DCDC2: variants seen among roughly 807,000 people sequenced by gnomAD.
The protein encoded by DCDC2 is doublecortin domain-containing protein 2.
Under a neutral mutation model 50.2 loss-of-function variants are expected in DCDC2, and 40 were observed. That is an observed-to-expected ratio of 0.80 (90% CI 0.62 to 1.04). DCDC2 has a LOEUF of 1.04. Among genes scored for constraint, DCDC2 ranks in the 50% least tolerant of loss-of-function variants. The pLI, the probability that DCDC2 is intolerant of heterozygous loss-of-function variation, is 0.00. For missense variants in DCDC2, 570 were observed against 581.9 expected (o/e 0.98, Z 0.21); for synonymous variants, 234 against 210.6 (o/e 1.11, Z -0.96).
chr6:24,358,918 A>AT (rs1308125591), upstream of DCDC2, among the ~76,000 whole-genome samples: 20 of 58,680 alleles, frequency 3.4e-4, no homozygotes, highest in South Asian at 1.4e-3. Flanking sequence ...TATATTATAT[A>AT]TATTATATAT....
intron 7 of DCDC2, among the ~76,000 whole-genome samples, chr6:24,266,277 G>A (rs573575613): frequency 6.6e-6 from 1 of 152,108 alleles, no homozygotes; most frequent in Non-Finnish European, 1.5e-5. Context: ...CAGGACATTG[G>A]TCTGGGCAAA....
chr6:24,357,379 G>T, intron 1 of DCDC2, 79 bp downstream of exon 1: 1 of 1,468,162 alleles, frequency 6.8e-7, no homozygotes, highest in Non-Finnish European at 9.1e-7. Flanking sequence ...GTGTGGGGGG[G>T]TAGGGATCTG....
chr6:24,235,234 G>C (rs1762418077), intron 7 of DCDC2, among the ~76,000 whole-genome samples: 1 of 152,184 alleles, frequency 6.6e-6, no homozygotes, highest in African/African-American at 2.4e-5. Context: ...TGTTTCAGCA[G>C]TCATCACAGT....
At chr6:24,299,607 C>T (rs924536771) in intron 4 of DCDC2, among the ~76,000 whole-genome samples, 1 of 152,132 alleles carries the variant, frequency 6.6e-6, no homozygotes, top group Non-Finnish European at 1.5e-5. Context: ...ATTTGGAATA[C>T]TTTGTGTTAA....
intron 2 of DCDC2, among the ~76,000 whole-genome samples, chr6:24,340,104 T>C (rs1438803433): frequency 8.5e-5 from 13 of 152,308 alleles, no homozygotes; most frequent in East Asian, 1.9e-4. Flanking sequence ...GAGATGAACA[T>C]GTAGATGAAT....
intron 7 of DCDC2, among the ~76,000 whole-genome samples, chr6:24,237,813 A>T (rs555877122): frequency 1.3e-5 from 2 of 152,148 alleles, no homozygotes; most frequent in South Asian, 4.2e-4. Context: ...GCAAACTAAT[A>T]CCAAAACAGA....
At chr6:24,298,160 C>T (rs1759293940) in intron 4 of DCDC2, among the ~76,000 whole-genome samples, 1 of 152,212 alleles carries the variant, frequency 6.6e-6, no homozygotes, top group Non-Finnish European at 1.5e-5. Flanking sequence ...CTAGATACCT[C>T]GCATGCACAG....
chr6:24,307,068 A>G (rs1481217981), intron 2 of DCDC2, among the ~76,000 whole-genome samples: 1 of 152,172 alleles, frequency 6.6e-6, no homozygotes, highest in Non-Finnish European at 1.5e-5. Context: ...TCACACTTCA[A>G]TTTCTAGACC....
chr6:24,238,845 CAAG>C (rs1187284317), intron 7 of DCDC2, among the ~76,000 whole-genome samples: 1 of 152,174 alleles, frequency 6.6e-6, no homozygotes, highest in African/African-American at 2.4e-5. Flanking sequence ...TAGGGCAACA[CAAG>C]AAGGGGCTGG....
the DCDC2 span, among the ~76,000 whole-genome samples, chr6:24,378,956 GAA>G: frequency 3.0e-5 from 2 of 67,428 alleles, no homozygotes; most frequent in Non-Finnish European, 5.6e-5. Flanking sequence ...GTCTCATTTG[GAA>G]AAAAAAAAAA....
chr6:24,301,026 T>C (rs1759359335), intron 4 of DCDC2, among the ~76,000 whole-genome samples: 1 of 146,862 alleles, frequency 6.8e-6, no homozygotes, highest in Non-Finnish European at 1.5e-5. Flanking sequence ...TAGTTTAAAC[T>C]ATCAAATAAT....
chr6:24,229,001 G>A (rs1762288274), intron 7 of DCDC2, among the ~76,000 whole-genome samples: 1 of 152,208 alleles, frequency 6.6e-6, no homozygotes, highest in South Asian at 2.1e-4. Flanking sequence ...AAGAATACCA[G>A]AAATCATAGC....
At chr6:24,244,318 A>G (rs1762626567) in intron 7 of DCDC2, among the ~76,000 whole-genome samples, 1 of 152,254 alleles carries the variant, frequency 6.6e-6, no homozygotes, top group African/African-American at 2.4e-5. Context: ...AGCCTAATCA[A>G]AAGATTTTTC....
At chr6:24,359,424 T>C (rs1205911935), upstream of DCDC2, among the ~76,000 whole-genome samples, 1 of 74,786 alleles carries the variant, frequency 1.3e-5, no homozygotes. Context: ...ATATATTATA[T>C]ATATTTATAT....
chr6:24,282,111 C>T (rs539718042), intron 6 of DCDC2, among the ~76,000 whole-genome samples: 1 of 152,282 alleles, frequency 6.6e-6, no homozygotes, highest in African/African-American at 2.4e-5. Context: ...CCTTGAGATA[C>T]TCCAACCACT....
chr6:24,273,135 A>G (rs571257509), intron 7 of DCDC2, among the ~76,000 whole-genome samples: 1 of 152,296 alleles, frequency 6.6e-6, no homozygotes, highest in South Asian at 2.1e-4. Context: ...TTTTGCAGCA[A>G]TGTGGATGGG....
chr6:24,355,681 C>CT (rs1278303837), intron 1 of DCDC2, among the ~76,000 whole-genome samples: 1 of 152,062 alleles, frequency 6.6e-6, no homozygotes, highest in African/African-American at 2.4e-5. Flanking sequence ...TCATTTAGCC[C>CT]TTTTTTACGA....
chr6:24,206,801 G>A (rs1167462289), intron 7 of DCDC2, among the ~76,000 whole-genome samples: 1 of 152,184 alleles, frequency 6.6e-6, no homozygotes, highest in Non-Finnish European at 1.5e-5. Context: ...ACAGCAAAGA[G>A]ACAAATCAGC....
In DCDC2 at chr6:24,301,721, A is replaced by G; in HGVS notation, c.551T>C (p.Val184Ala). ...TEKITLRSGA[V>A]HRLYTLEGKL... The stretch of plus-strand genomic sequence containing the variant: ...CAAGATTGTTTTGACATACCTGTGA[A>G]CAGCCCCGCTCCTCAGAGTGATTTT... The change falls in exon 4 of 10, where the codon GTT becomes GCT. Residue 184 changes from valine to alanine, a missense_variant. Physicochemically the swap from Val to Ala is moderately conservative, Grantham distance 64. Coordinates refer to ENST00000378454, the MANE Select transcript of DCDC2 (RefSeq NM_016356.5). 1 of 1,613,962 alleles carries G rather than the reference A, an allele frequency of 6.2e-7. No individual in the cohort carries two copies.
Sources: allele counts gnomAD v4.1 joint callset (sites outside exome capture counted in the v4.1 genomes callset), GRCh38; gene constraint gnomAD v4.1.1; transcripts MANE v1.5; gene names NCBI Gene and HGNC (gene_info 2026-07-23, HGNC 2026-07-21).